SUMF1: variants seen among roughly 807,000 people sequenced by gnomAD.
SUMF1 encodes the protein formylglycine-generating enzyme.
A neutral mutation model predicts 47.6 loss-of-function variants in SUMF1; 48 were observed. The ratio of observed to expected loss-of-function variants is 1.01; its 90% CI spans 0.80 to 1.28. The LOEUF (loss-of-function observed/expected upper bound fraction) is 1.28, where lower values mean the gene tolerates loss of function less well. Ranked by LOEUF, SUMF1 falls within the 50% of genes most tolerant of loss-of-function variation. The probability of loss-of-function intolerance (pLI) is 0.00; values close to 1 mark genes in which losing one functional copy is unlikely to be tolerated. For missense variants in SUMF1, 571 were observed against 485.4 expected (o/e 1.18, Z -1.66); for synonymous variants, 230 against 192.1 (o/e 1.20, Z -1.63).
intron 8 of SUMF1, among the ~76,000 whole-genome samples, chr3:4,271,835 C>T (rs1226638687): frequency 6.6e-6 from 1 of 151,984 alleles, no homozygotes; most frequent in Non-Finnish European, 1.5e-5. Flanking sequence ...AAACTAAAAT[C>T]ATAGCTTGTG....
intron 8 of SUMF1, among the ~76,000 whole-genome samples, chr3:4,071,043 C>G (rs1279632954): frequency 1.3e-5 from 2 of 152,056 alleles, no homozygotes; most frequent in East Asian, 1.9e-4. Context: ...AGTATTTTCA[C>G]TGTTCTGGTA....
intron 8 of SUMF1, among the ~76,000 whole-genome samples, chr3:4,285,062 C>T (rs1172382280): frequency 6.6e-6 from 1 of 152,130 alleles, no homozygotes; most frequent in Non-Finnish European, 1.5e-5. Context: ...TATCACATTC[C>T]TAGAATTCCA....
intron 8 of SUMF1, among the ~76,000 whole-genome samples, chr3:4,287,666 G>A (rs1697659511): frequency 6.6e-6 from 1 of 152,164 alleles, no homozygotes; most frequent in African/African-American, 2.4e-5. Flanking sequence ...AATTTGCACA[G>A]ACATTGAATA....
chr3:4,332,938 C>CAGAGAAG (rs1219224504), intron 8 of SUMF1, among the ~76,000 whole-genome samples: 1 of 152,172 alleles, frequency 6.6e-6, no homozygotes, highest in Non-Finnish European at 1.5e-5. Context: ...AACAGTGCAG[C>CAGAGAAG]AGAGAAGAAA....
chr3:4,429,304 A>G (rs1311608959), intron 3 of SUMF1, among the ~76,000 whole-genome samples: 1 of 152,248 alleles, frequency 6.6e-6, no homozygotes, highest in Non-Finnish European at 1.5e-5. Flanking sequence ...TCAACTCTGT[A>G]AGAAGGCTCC....
At chr3:4,416,898 T>C (rs539524811) in intron 6 of SUMF1, among the ~76,000 whole-genome samples, 13 of 152,188 alleles carry the variant, frequency 8.5e-5, no homozygotes, top group Non-Finnish European at 1.8e-4. Flanking sequence ...TTTATAGTCT[T>C]CTCATTTTTC....
Position 4,467,251 on chromosome 3 carries a change from C to A in SUMF1, c.-6G>T, listed in dbSNP as rs1484051779. 2 of 1,606,524 alleles carry A rather than the reference C, an allele frequency of 1.2e-6. No individual in the cohort carries two copies. Among genetic ancestry groups the A allele is most frequent in the African/African-American group, 1.3e-5 (1 of 74,784 alleles). On this transcript the variant is annotated 5_prime_UTR_variant, in exon 1 of 9. Transcript: ENST00000272902. ...CCTAGTGCGGGCGCAGCCATGTTGT[C>A]CCGCGGGCCATGTGACCCGGTTGGT...
intron 8 of SUMF1, among the ~76,000 whole-genome samples, chr3:4,292,742 T>C (rs548970406): frequency 1.2e-3 from 182 of 152,220 alleles, no homozygotes; most frequent in Non-Finnish European, 1.9e-3. Flanking sequence ...ACCTACAAAA[T>C]CTAGGGTCTG....
chr3:4,274,914 G>A (rs1358832148), intron 8 of SUMF1, among the ~76,000 whole-genome samples: 1 of 152,050 alleles, frequency 6.6e-6, no homozygotes, highest in East Asian at 1.9e-4. Context: ...TGAAAGGAGG[G>A]TCAAGGAAGC....
intron 8 of SUMF1, among the ~76,000 whole-genome samples, chr3:4,110,532 A>G (rs919133456): frequency 6.6e-6 from 1 of 152,044 alleles, no homozygotes; most frequent in African/African-American, 2.4e-5. Flanking sequence ...TGCTATAAAG[A>G]CACATGCACA....
intron 8 of SUMF1, among the ~76,000 whole-genome samples, chr3:4,072,721 A>T (rs1420743506): frequency 6.6e-6 from 1 of 152,170 alleles, no homozygotes; most frequent in African/African-American, 2.4e-5. Context: ...ATCAAGCAGA[A>T]CAAAGGATAT....
At chr3:4,242,714 G>A (rs2124998653) in intron 8 of SUMF1, among the ~76,000 whole-genome samples, 1 of 152,238 alleles carries the variant, frequency 6.6e-6, no homozygotes, top group South Asian at 2.1e-4. Context: ...TGTTCATCAG[G>A]GATATTGGCC....
Position 4,361,955 on chromosome 3 carries a change from C to T in SUMF1, c.*189G>A, listed in dbSNP as rs116820538. On this transcript the variant is annotated 3_prime_UTR_variant, in exon 9 of 9. Coordinates refer to ENST00000272902, the MANE Select transcript of SUMF1 (RefSeq NM_182760.4). ...TGATGATCTCCAAAGATGCACCACA[C>T]CATAAAGCACATGCACTGACCCAGG... is the stretch of plus-strand genomic sequence containing the variant. 3.1e-3 allele frequency: 1,892 copies of T among 602,336 alleles called. 28 individuals are homozygous for T. In the African/African-American group the frequency reaches 0.032, roughly 10 times the overall value. 37.3% of individuals were successfully genotyped at this position (602,336 alleles called of 1,614,324 possible).
At chr3:4,177,164 C>A (rs2587947) in intron 8 of SUMF1, among the ~76,000 whole-genome samples, 1 of 151,916 alleles carries the variant, frequency 6.6e-6, no homozygotes, top group Non-Finnish European at 1.5e-5. Context: ...CCCAGGACCT[C>A]AACTCAGCTC....
chr3:4,398,541 T>A (rs1379547017), intron 7 of SUMF1, among the ~76,000 whole-genome samples: 1 of 152,188 alleles, frequency 6.6e-6, no homozygotes, highest in African/African-American at 2.4e-5. Flanking sequence ...TCACTAAAAG[T>A]AAGCTATAGG....
chr3:4,377,071 G>C (rs1414284306), intron 7 of SUMF1, among the ~76,000 whole-genome samples: 1 of 152,118 alleles, frequency 6.6e-6, no homozygotes, highest in African/African-American at 2.4e-5. Context: ...AAAGTGCTGG[G>C]ATTACAGGCA....
At chr3:4,137,065 G>A (rs1285145347) in intron 8 of SUMF1, among the ~76,000 whole-genome samples, 1 of 151,982 alleles carries the variant, frequency 6.6e-6, no homozygotes. Flanking sequence ...ACAGTGTGGC[G>A]ATTCCTCAAG....
chr3:4,119,479 G>C lies in SUMF1; in HGVS notation c.1015-50734C>G, dbSNP rs961925876. On this transcript the variant is annotated intron_variant and NMD_transcript_variant, in intron 8 of 12. Transcript: ENST00000448413. Reference sequence around the variant, plus strand: ...TCTTCACTGGTCCTGAATGCCTCAGGCTCCTTCATCACCCCACCTGGTCCA... The same window carrying C: ...TCTTCACTGGTCCTGAATGCCTCAGCCTCCTTCATCACCCCACCTGGTCCA... Among the ~76,000 whole-genome samples, 50 of 152,050 alleles carry C rather than the reference G, an allele frequency of 3.3e-4. 1 individual carries two copies. Among genetic ancestry groups the C allele is most frequent in the Non-Finnish European group, 5.9e-5 (4 of 68,030 alleles).
At chr3:4,176,763 G>C (rs1430540222) in intron 8 of SUMF1, among the ~76,000 whole-genome samples, 1 of 152,028 alleles carries the variant, frequency 6.6e-6, no homozygotes, top group Non-Finnish European at 1.5e-5. Context: ...AAAGAGTCAA[G>C]ACCCATCAGA....
Sources: allele counts gnomAD v4.1 joint callset (sites outside exome capture counted in the v4.1 genomes callset), GRCh38; gene constraint gnomAD v4.1.1; transcripts MANE v1.5; gene names NCBI Gene and HGNC (gene_info 2026-07-23, HGNC 2026-07-21).